PARD3: variants seen among roughly 807,000 people sequenced by gnomAD.
PARD3 encodes the protein partitioning defective 3 homolog.
A neutral mutation model predicts 155.4 loss-of-function variants in PARD3; 75 were observed. The observed-to-expected ratio is 0.48, with a 90% CI of 0.40 to 0.58. PARD3 has a LOEUF of 0.58. Among genes scored for constraint, PARD3 ranks in the 20% least tolerant of loss-of-function variants. PARD3 has a pLI of 0.00. For synonymous variants in PARD3, 576 were observed against 610.5 expected, an observed-to-expected ratio of 0.94 and a Z score of 0.83; for missense variants, 1,642 against 1,721.7, an observed-to-expected ratio of 0.95 and a Z score of 0.82.
chr10:34,717,558 G>T (rs2094539052), intron 1 of PARD3, among the ~76,000 whole-genome samples: 1 of 152,172 alleles, frequency 6.6e-6, no homozygotes, highest in Admixed American at 6.5e-5. Flanking sequence ...AACCCTGAGA[G>T]TCTGGTGGAG....
intron 21 of PARD3, among the ~76,000 whole-genome samples, chr10:34,273,765 C>T (rs574322845): frequency 2.6e-5 from 4 of 152,112 alleles, no homozygotes; most frequent in Admixed American, 6.6e-5. Flanking sequence ...CATAGCATTA[C>T]AAGCAAACTT....
At chr10:34,234,669 T>C (rs548216560) in intron 22 of PARD3, among the ~76,000 whole-genome samples, 1 of 152,318 alleles carries the variant, frequency 6.6e-6, no homozygotes, top group Admixed American at 6.5e-5. Flanking sequence ...ACAAAATATT[T>C]ATTCATTTAT....
At chr10:34,127,055 T>C (rs1407822907) in intron 23 of PARD3, among the ~76,000 whole-genome samples, 1 of 152,146 alleles carries the variant, frequency 6.6e-6, no homozygotes, top group Non-Finnish European at 1.5e-5. Flanking sequence ...ACATTTTCCC[T>C]AACATGATTG....
chr10:34,482,032 C>CTTTTTT (rs58877037), intron 3 of PARD3, among the ~76,000 whole-genome samples: 1,335 of 101,552 alleles, frequency 0.013, 113 homozygotes, highest in African/African-American at 0.061. Context: ...TAATTTTTAT[C>CTTTTTT]TTTTTTTTTT....
At chr10:34,610,512 C>T (rs555047243) in intron 2 of PARD3, among the ~76,000 whole-genome samples, 8 of 152,180 alleles carry the variant, frequency 5.3e-5, no homozygotes, top group South Asian at 2.1e-4. Context: ...AAAAGGGTTA[C>T]GTGTGGACCT....
At position 34,177,017 on chromosome 10, in the gene PARD3, G is replaced by A. The variant is rs189050440; in HGVS notation, c.3420-45434C>T. Among the ~76,000 whole-genome samples, 3 of 150,528 alleles carry A rather than the reference G, an allele frequency of 2.0e-5. No individual in the cohort carries two copies. In the East Asian group the frequency reaches 5.8e-4, roughly 29 times the overall value. On this transcript the variant is annotated intron_variant, in intron 22 of 24. Transcript: ENST00000374788. ...GGTGTGTGTGGTGTGGTGTACATGT[G>A]TGTTTGTGTGTCGGTGTGGGGTCTG...
intron 2 of PARD3, among the ~76,000 whole-genome samples, chr10:34,680,160 T>C (rs1048508841): frequency 2.6e-5 from 4 of 152,140 alleles, no homozygotes; most frequent in Admixed American, 2.6e-4. Flanking sequence ...TACTGAATAC[T>C]ATGAATACCT....
intron 22 of PARD3, among the ~76,000 whole-genome samples, chr10:34,213,214 G>C (rs1564487425): frequency 1.3e-5 from 2 of 152,162 alleles, no homozygotes. Flanking sequence ...AAGTGAAAGG[G>C]GGGTGGGTGT....
At chr10:34,812,903 A>G (rs1844378441) in intron 1 of PARD3, among the ~76,000 whole-genome samples, 2 of 152,150 alleles carry the variant, frequency 1.3e-5, no homozygotes, top group African/African-American at 4.8e-5. Context: ...GCTAATCGTT[A>G]ATAAGGACCA....
chr10:34,584,673 G>A (rs554540217), intron 2 of PARD3, among the ~76,000 whole-genome samples: 6 of 152,174 alleles, frequency 3.9e-5, no homozygotes. Flanking sequence ...TTTCAGTTGA[G>A]AGACAAACCT....
intron 1 of PARD3, among the ~76,000 whole-genome samples, chr10:34,812,480 A>G (rs1844311962): frequency 6.6e-6 from 1 of 152,230 alleles, no homozygotes; most frequent in Non-Finnish European, 1.5e-5. Flanking sequence ...TGTTAAATAC[A>G]TATTAACACT....
At chr10:34,760,797 T>C (rs897358331) in intron 1 of PARD3, among the ~76,000 whole-genome samples, 2 of 152,138 alleles carry the variant, frequency 1.3e-5, no homozygotes, top group African/African-American at 4.8e-5. Flanking sequence ...TGAATAAGCT[T>C]GGAAGCAGAA....
At chr10:34,479,448 T>A (rs1401645923) in intron 3 of PARD3, among the ~76,000 whole-genome samples, 1 of 152,096 alleles carries the variant, frequency 6.6e-6, no homozygotes, top group African/African-American at 2.4e-5. Flanking sequence ...TTGGGGCGCG[T>A]GAGCCACGGC....
At chr10:34,729,845 G>A (rs777176923) in intron 1 of PARD3, among the ~76,000 whole-genome samples, 5 of 152,238 alleles carry the variant, frequency 3.3e-5, no homozygotes, top group African/African-American at 7.2e-5. Context: ...TGTTGTGTAC[G>A]CATCTGTGAT....
At chr10:34,279,773 GAC>G (rs1956074059) in intron 21 of PARD3, among the ~76,000 whole-genome samples, 1 of 152,062 alleles carries the variant, frequency 6.6e-6, no homozygotes, top group African/African-American at 2.4e-5. Flanking sequence ...CCCACTGAAG[GAC>G]ACAGATAGTT....
chr10:34,548,346 A>AC (rs2084272179), intron 2 of PARD3, among the ~76,000 whole-genome samples: 3 of 151,632 alleles, frequency 2.0e-5, no homozygotes, highest in Admixed American at 1.3e-4. Flanking sequence ...CACACACACA[A>AC]AAAAAAGCCA....
intron 1 of PARD3, among the ~76,000 whole-genome samples, chr10:34,788,064 A>G (rs1005347194): frequency 3.3e-5 from 5 of 151,614 alleles, no homozygotes; most frequent in African/African-American, 1.2e-4. Context: ...GACTACAGGT[A>G]TAAGTAACGT....
chr10:34,787,756 A>C (rs1841151643), intron 1 of PARD3, among the ~76,000 whole-genome samples: 1 of 151,896 alleles, frequency 6.6e-6, no homozygotes, highest in Admixed American at 6.6e-5. Context: ...GGCACACAGC[A>C]AATGGGCAAC....
chr10:34,413,820 A>G (rs1287779036), intron 5 of PARD3, among the ~76,000 whole-genome samples: 1 of 152,236 alleles, frequency 6.6e-6, no homozygotes, highest in Non-Finnish European at 1.5e-5. Flanking sequence ...TAGAGTAGCA[A>G]GTCAGATATT....
Sources: allele counts gnomAD v4.1 joint callset (sites outside exome capture counted in the v4.1 genomes callset), GRCh38; gene constraint gnomAD v4.1.1; transcripts MANE v1.5; gene names NCBI Gene and HGNC (gene_info 2026-07-23, HGNC 2026-07-21).